Variants in SH3KBP1 observed in about 807,000 individuals in gnomAD.
SH3KBP1 encodes SH3 domain containing kinase binding protein 1.
In SH3KBP1, 8 loss-of-function variants were observed where a neutral mutation model predicts 50.1. The ratio of observed to expected loss-of-function variants is 0.16; its 90% confidence interval spans 0.09 to 0.29. The LOEUF (loss-of-function observed/expected upper bound fraction) is 0.29, where lower values mean the gene tolerates loss of function less well. SH3KBP1 is among the 10% of genes least tolerant of loss of function. The pLI is 1.00. For synonymous variants in SH3KBP1, 227 were observed against 218.6 expected (o/e 1.04, Z -0.34); for missense variants, 377 against 535.2 (o/e 0.70, Z 2.92).
rs60032683 is a variant in SH3KBP1 at position 19,732,596 on chromosome X, TACACACACACACACACACAC to T, written c.286+13702_286+13721del. On this transcript the variant is annotated intron_variant, in intron 3 of 17. Coordinates refer to ENST00000397821, the MANE Select transcript of SH3KBP1 (RefSeq NM_031892.3). ...ATTCCTTAATTTGGATAAAAATCCCTACACACACACACACACACACACACACACACACACACACACAGCGT... is the reference window on the plus strand; with the variant it reads ...ATTCCTTAATTTGGATAAAAATCCCTACACACACACACACACACACAGCGT... Among the ~76,000 whole-genome samples the T allele has an allele frequency of 6.6e-4, 60 of 90,750 alleles. No individual in the cohort carries two copies. The South Asian group carries it at 0.01, about 15-fold the overall frequency. 78.8% of individuals were successfully genotyped at this position (90,750 alleles called of 115,157 possible).
intron 5 of SH3KBP1, among the ~76,000 whole-genome samples, chrX:19,685,415 C>T (rs2063141948): frequency 8.9e-6 from 1 of 111,974 alleles, no homozygotes; most frequent in South Asian, 3.7e-4. Context: ...TTGTCATTTT[C>T]CATAAAATGG....
intron 6 of SH3KBP1, among the ~76,000 whole-genome samples, chrX:19,654,837 G>T (rs1026263568): frequency 1.2e-4 from 13 of 111,939 alleles, no homozygotes; most frequent in African/African-American, 3.9e-4. Context: ...GGTTTTATTT[G>T]TCCAGTGCTT....
rs913761102 is a variant in SH3KBP1, at chrX:19,872,966, G to A, written c.4+14341C>T. Among the ~76,000 whole-genome samples the A allele has an allele frequency of 1.6e-4, 17 of 109,257 alleles. 1 individual carries two copies. Among genetic ancestry groups the A allele is most frequent in the Admixed American group, 3.9e-4 (4 of 10,138 alleles). 94.9% of individuals were successfully genotyped at this position (109,257 alleles called of 115,157 possible). On this transcript the variant is annotated intron_variant, in intron 1 of 17. Coordinates refer to ENST00000397821, the MANE Select transcript of SH3KBP1 (RefSeq NM_031892.3). ...GGACAAGTACCCTGCCAATTCCCAT[G>A]TGCCAATTCCCTTGGACTGAACTCT... is the stretch of plus-strand genomic sequence containing the variant.
intron 2 of SH3KBP1, among the ~76,000 whole-genome samples, chrX:19,818,917 C>T (rs1249500556): frequency 8.9e-6 from 1 of 111,807 alleles, no homozygotes; most frequent in Admixed American, 9.5e-5. Flanking sequence ...TAAGGTAATA[C>T]TGGCCTCATA....
rs997653165 is a variant in SH3KBP1, at chrX:19,674,124, C to T, written c.726+9699G>A. The stretch of plus-strand genomic sequence containing the variant: ...ATTATAATGACTTTTATACATACCC[C>T]CTTTCTCTCCAATGTAGGGACAATC... On this transcript the variant is annotated intron_variant, in intron 6 of 17. Transcript: ENST00000397821. Among the ~76,000 whole-genome samples the T allele has an allele frequency of 2.7e-5, 3 of 111,657 alleles. No individual in the cohort carries two copies. The East Asian group carries it at 8.4e-4, about 31-fold the overall frequency.
At chrX:19,833,993 A>T (rs1355810510) in intron 2 of SH3KBP1, among the ~76,000 whole-genome samples, 2 of 111,426 alleles carry the variant, frequency 1.8e-5, no homozygotes, top group Non-Finnish European at 3.8e-5. Context: ...AGTGTAGTAC[A>T]GTGGGGGGAA....
chrX:19,631,691 A>G (rs2061581130), intron 8 of SH3KBP1, among the ~76,000 whole-genome samples, 173 bp downstream of exon 8: 1 of 112,394 alleles, frequency 8.9e-6, no homozygotes, highest in Non-Finnish European at 1.9e-5. Flanking sequence ...CAACGAATGC[A>G]TTCACTTGGA....
At chrX:19,596,373 T>C (rs1388167058) in intron 9 of SH3KBP1, among the ~76,000 whole-genome samples, 2 of 112,158 alleles carry the variant, frequency 1.8e-5, no homozygotes, top group African/African-American at 6.5e-5. Flanking sequence ...AATACTTCAC[T>C]GCTAGAAAAA....
intron 5 of SH3KBP1, 133 bp from the exon 6 acceptor site, chrX:19,684,161 A>G: frequency 2.1e-6 from 1 of 487,017 alleles, no homozygotes; most frequent in Non-Finnish European, 3.5e-6. Flanking sequence ...AGGCTTTTGT[A>G]TTCAGTATGT....
intron 1 of SH3KBP1, among the ~76,000 whole-genome samples, chrX:19,857,297 C>T (rs1467439200): frequency 9.1e-6 from 1 of 110,282 alleles, no homozygotes; most frequent in Non-Finnish European, 1.9e-5. Flanking sequence ...ATGACACCTG[C>T]GGCAGAAGGA....
intron 6 of SH3KBP1, among the ~76,000 whole-genome samples, chrX:19,664,874 G>C (rs1314966622): frequency 8.9e-6 from 1 of 112,352 alleles, no homozygotes; most frequent in Non-Finnish European, 1.9e-5. Context: ...TTTGAGGCAA[G>C]ATGAATATAT....
In SH3KBP1 at chrX:19,588,789, T is replaced by C. The variant is rs770384119; in HGVS notation, c.1152A>G (p.Arg384=). The C allele has an allele frequency of 1.2e-5, 14 of 1,143,466 alleles. No individual in the cohort carries two copies. The highest frequency in any genetic ancestry group is 1.6e-5 in the Non-Finnish European group (14 of 862,103). The allele number at this position is 1,143,466 out of a possible 1,213,427, so 94.2% of individuals were successfully genotyped here. A position where few individuals can be genotyped will look rare whatever the true frequency, so the allele number is the denominator to read the frequency against. Reference sequence around the variant, plus strand: ...GCTTCTGTAAATCCAGTTTTGGCTCTCTCTCTGGTCTTTCTTTAAATCATT... The same window carrying C: ...GCTTCTGTAAATCCAGTTTTGGCTCCCTCTCTGGTCTTTCTTTAAATCATT... ...NRTEEKERPE[R]EPKLDLQKPS... The change falls in exon 12 of 18, where the codon AGA becomes AGG. Residue 384 remains arginine, a synonymous_variant. Coordinates refer to ENST00000397821, the MANE Select transcript of SH3KBP1 (RefSeq NM_031892.3).
intron 2 of SH3KBP1, chrX:19,799,824 C>T (rs1031284029): frequency 3.2e-5 from 35 of 1,085,881 alleles, no homozygotes; most frequent in Middle Eastern, 2.5e-4. Flanking sequence ...GTACCCAACC[C>T]GCCTGCCCCT....
chrX:19,766,482 T>A (rs2065611477), intron 2 of SH3KBP1, among the ~76,000 whole-genome samples: 1 of 77,792 alleles, frequency 1.3e-5, no homozygotes, highest in Non-Finnish European at 2.4e-5. Context: ...GTTGATTGCA[T>A]CTTTTTTTTT....
intron 1 of SH3KBP1, among the ~76,000 whole-genome samples, chrX:19,880,825 A>G (rs1245009086): frequency 9.0e-6 from 1 of 111,602 alleles, no homozygotes; most frequent in African/African-American, 3.3e-5. Context: ...GAAAGATAGG[A>G]GATGCCAGGA....
chrX:19,552,225 T>G (rs1050146276), intron 13 of SH3KBP1, among the ~76,000 whole-genome samples: 1 of 112,220 alleles, frequency 8.9e-6, no homozygotes, highest in Non-Finnish European at 1.9e-5. Flanking sequence ...TTCCCCCTCC[T>G]ATGTTTTACT....
chrX:19,758,162 C>A (rs529241358), intron 2 of SH3KBP1, among the ~76,000 whole-genome samples: 1 of 108,884 alleles, frequency 9.2e-6, no homozygotes, highest in East Asian at 2.9e-4. Flanking sequence ...TCCGCCTCTA[C>A]TAAAAATACA....
At chrX:19,607,900 G>A (rs769728416) in intron 9 of SH3KBP1, 38 bp downstream of exon 9, 24 of 1,122,247 alleles carry the variant, frequency 2.1e-5, no homozygotes, top group African/African-American at 3.6e-5. Context: ...CAACATGGGA[G>A]CCACAACTCC....
At chrX:19,791,351 CAGG>C (rs1007022231) in intron 2 of SH3KBP1, among the ~76,000 whole-genome samples, 1 of 111,152 alleles carries the variant, frequency 9.0e-6, no homozygotes, top group African/African-American at 3.3e-5. Flanking sequence ...TGACTTGTTG[CAGG>C]AGAAGCTGAA....
Sources: allele counts gnomAD v4.1 joint callset (sites outside exome capture counted in the v4.1 genomes callset), GRCh38; gene constraint gnomAD v4.1.1; transcripts MANE v1.5; gene names NCBI Gene and HGNC (gene_info 2026-07-23, HGNC 2026-07-21).